SEMA6A: variants seen among roughly 807,000 people sequenced by gnomAD.
SEMA6A encodes the protein semaphorin-6A.
SEMA6A carries 25 observed loss-of-function variants against 96.8 expected under a neutral mutation model. The ratio of observed to expected loss-of-function variants is 0.26; its 90% CI spans 0.19 to 0.36. The LOEUF (loss-of-function observed/expected upper bound fraction) is 0.36, where lower values mean the gene tolerates loss of function less well. Ranked by LOEUF, SEMA6A falls within the 10% of genes least tolerant of loss-of-function variation. The pLI is 1.00. For synonymous variants in SEMA6A, 612 were observed against 518.0 expected (o/e 1.18, Z -2.46); for missense variants, 1,363 against 1,323.1 (o/e 1.03, Z -0.47).
intron 1 of SEMA6A, among the ~76,000 whole-genome samples, chr5:116,540,385 T>C (rs1371805306): frequency 7.2e-5 from 11 of 152,236 alleles, no homozygotes; most frequent in Non-Finnish European, 1.2e-4. Context: ...CCTGCCTGTA[T>C]GTTGCTTCCA....
At chr5:116,524,963 T>A (rs1759154643) in intron 1 of SEMA6A, among the ~76,000 whole-genome samples, 1 of 152,218 alleles carries the variant, frequency 6.6e-6, no homozygotes, top group African/African-American at 2.4e-5. Context: ...TCTTCATTTT[T>A]CTTATCTTGT....
At chr5:116,510,311 C>G (rs1050082104) in intron 1 of SEMA6A, among the ~76,000 whole-genome samples, 2 of 152,110 alleles carry the variant, frequency 1.3e-5, no homozygotes, top group Admixed American at 1.3e-4. Context: ...TGGACCTCAT[C>G]ATCTTTGTCT....
chr5:116,530,505 G>C (rs894015535), intron 1 of SEMA6A, among the ~76,000 whole-genome samples: 2 of 152,156 alleles, frequency 1.3e-5, no homozygotes, highest in African/African-American at 4.8e-5. Flanking sequence ...ACCGTATTAA[G>C]ATTGAAATCT....
At chr5:116,562,182 A>T (rs1303736133) in intron 1 of SEMA6A, among the ~76,000 whole-genome samples, 2 of 152,236 alleles carry the variant, frequency 1.3e-5, no homozygotes, top group Non-Finnish European at 2.9e-5. Flanking sequence ...GGAACACAGT[A>T]CATCAAATAT....
chr5:116,502,398 A>C, intron 2 of SEMA6A, 71 bp from the exon 3 acceptor site: 1 of 1,294,648 alleles, frequency 7.7e-7, no homozygotes, highest in Non-Finnish European at 1.1e-6. Flanking sequence ...TAGGGAGGGG[A>C]GGGAGACAGG....
At chr5:116,467,397 C>T (rs1381840246) in intron 18 of SEMA6A, among the ~76,000 whole-genome samples, 186 bp downstream of exon 18, 1 of 152,044 alleles carries the variant, frequency 6.6e-6, no homozygotes, top group Non-Finnish European at 1.5e-5. Flanking sequence ...TTTCCTTGGT[C>T]AGAGAATAAT....
chr5:116,532,412 A>C (rs761400618), intron 1 of SEMA6A, among the ~76,000 whole-genome samples: 5 of 152,210 alleles, frequency 3.3e-5, no homozygotes, highest in Admixed American at 6.5e-5. Context: ...AAGTGGCCAC[A>C]AGACTGTTTA....
intron 1 of SEMA6A, among the ~76,000 whole-genome samples, chr5:116,538,033 G>T (rs1465580170): frequency 6.6e-6 from 1 of 152,132 alleles, no homozygotes; most frequent in African/African-American, 2.4e-5. Flanking sequence ...AAATTAGCTG[G>T]GTGTGGTGGC....
chr5:116,521,771 G>C (rs183232848), intron 1 of SEMA6A, among the ~76,000 whole-genome samples: 2 of 152,336 alleles, frequency 1.3e-5, no homozygotes, highest in Admixed American at 1.3e-4. Flanking sequence ...TGAGAAGTTA[G>C]AGGGGTGAGG....
Position 116,496,306 on chromosome 5 carries a change from G to T in SEMA6A, c.287C>A (p.Thr96Lys). 2.5e-6 allele frequency: 4 copies of T among 1,613,468 alleles called. No homozygotes were observed. The highest frequency in any genetic ancestry group is 3.4e-6 in the Non-Finnish European group (4 of 1,179,578). The change falls in exon 5 of 19, where the codon ACA becomes AAA. Residue 96 changes from threonine to lysine, a missense_variant. This residue lies in a region of SEMA6A where 480 missense variants were observed against 559.5 expected (regional missense o/e 0.86). Coordinates refer to ENST00000343348, the MANE Select transcript of SEMA6A (RefSeq NM_020796.5). ...TACATCGGCCTGTCTAGATTTCCAT[G>T]TCAGTTTCTGCAGGGATCAAGAAAG... ...TEEIYCSKKLTWKSRQADVDT... is the reference protein window; with the variant it reads ...TEEIYCSKKLKWKSRQADVDT...
intron 11 of SEMA6A, among the ~76,000 whole-genome samples, chr5:116,481,519 A>T (rs1235040586): frequency 6.6e-6 from 1 of 152,184 alleles, no homozygotes; most frequent in Non-Finnish European, 1.5e-5. Context: ...AAGTTAGTTC[A>T]TGTAAGTGTA....
chr5:116,549,306 G>A (rs1291482372), intron 1 of SEMA6A, among the ~76,000 whole-genome samples: 1 of 152,164 alleles, frequency 6.6e-6, no homozygotes, highest in African/African-American at 2.4e-5. Context: ...AGCGTATGGA[G>A]AGCTCGGCAC....
In SEMA6A at chr5:116,478,091, G is replaced by C; in HGVS notation, c.1491C>G (p.Ser497Arg). ...IMGMQLDRAS[S>R]SLYVAFSTCV... ...AGGTAGAGAACGCAACATACAGAGA[G>C]CTGCTTGCTCTGTCCAGCTGCATGC... Residue 497 changes from serine to arginine, a missense_variant, in exon 14 of 19, where the codon AGC (serine) becomes AGG (arginine). Ser to Arg is a moderately radical substitution (Grantham distance 110). This residue lies in a region of SEMA6A where 883 missense variants were observed against 763.6 expected (regional missense o/e 1.16). Coordinates refer to ENST00000343348, the MANE Select transcript of SEMA6A (RefSeq NM_020796.5). The C allele has an allele frequency of 7.4e-6, 12 of 1,613,948 alleles. No homozygotes were observed. Among genetic ancestry groups the C allele is most frequent in the Non-Finnish European group, 1.0e-5 (12 of 1,179,852 alleles).
intron 11 of SEMA6A, among the ~76,000 whole-genome samples, chr5:116,482,202 G>A (rs1756814094): frequency 6.6e-6 from 1 of 152,074 alleles, no homozygotes; most frequent in Non-Finnish European, 1.5e-5. Flanking sequence ...CACCTCAGAT[G>A]GTTTCCACCA....
intron 17 of SEMA6A, among the ~76,000 whole-genome samples, chr5:116,470,277 C>T (rs574064910): frequency 1.3e-5 from 2 of 152,170 alleles, no homozygotes; most frequent in African/African-American, 4.8e-5. Flanking sequence ...TGTGCATTCC[C>T]TAAGAGACTT....
chr5:116,556,564 A>T (rs1284777009), intron 1 of SEMA6A, among the ~76,000 whole-genome samples: 1 of 152,202 alleles, frequency 6.6e-6, no homozygotes, highest in African/African-American at 2.4e-5. Context: ...TTTACAGATG[A>T]TGAATATGAG....
At chr5:116,492,297 A>G (rs2112735137) in intron 6 of SEMA6A, 1 of 151,872 alleles carries the variant, frequency 6.6e-6, no homozygotes, top group Admixed American at 6.5e-5. Context: ...TAATGTAACT[A>G]ACCTAAAAAA....
intron 1 of SEMA6A, among the ~76,000 whole-genome samples, chr5:116,529,438 T>A (rs909713591): frequency 6.6e-6 from 1 of 152,162 alleles, no homozygotes; most frequent in Non-Finnish European, 1.5e-5. Flanking sequence ...ATGTTTGAGG[T>A]GATGGAAATG....
intron 1 of SEMA6A, among the ~76,000 whole-genome samples, chr5:116,523,127 A>T (rs1759038123): frequency 6.6e-6 from 1 of 152,040 alleles, no homozygotes; most frequent in Non-Finnish European, 1.5e-5. Context: ...TTCTCTTTTT[A>T]TTCATTTATT....
Sources: gnomAD v4.1 joint callset for allele counts (sites outside exome capture counted in the v4.1 genomes callset) on GRCh38, gnomAD v4.1.1 for gene constraint, gnomAD v4.1.1 regional missense constraint, MANE v1.5 for transcripts, NCBI Gene and HGNC (gene_info 2026-07-23, HGNC 2026-07-21) for gene names.